The following BACH2 variants were observed in gnomAD, a reference collection of about 807,000 sequenced individuals.
BACH2 encodes transcription regulator protein BACH2.
Under a neutral mutation model 61.8 loss-of-function variants are expected in BACH2, and 5 were observed. That is an observed-to-expected ratio of 0.08 (90% confidence interval 0.04 to 0.17). BACH2 has a LOEUF of 0.17. Among genes scored for constraint, BACH2 ranks in the 10% least tolerant of loss-of-function variants. The pLI, the probability that BACH2 is intolerant of heterozygous loss-of-function variation, is 1.00. For missense variants in BACH2, 824 were observed against 1,091.1 expected, an observed-to-expected ratio of 0.76 and a Z score of 3.45; for synonymous variants, 446 against 440.1, an observed-to-expected ratio of 1.01 and a Z score of -0.17.
chr6:90,287,155 GCGTTGACTCTACAGC>G (rs1056454379), intron 1 of BACH2, among the ~76,000 whole-genome samples: 4 of 152,034 alleles, frequency 2.6e-5, no homozygotes, highest in African/African-American at 9.7e-5. Flanking sequence ...GGACTGAAGG[GCGTTGACTCTACAGC>G]CAGGTATTTA....
intron 5 of BACH2, among the ~76,000 whole-genome samples, chr6:90,045,551 G>T (rs929960198): frequency 3.3e-5 from 5 of 152,158 alleles, no homozygotes; most frequent in African/African-American, 1.2e-4. Flanking sequence ...CCACAACTAA[G>T]ATAAAATAAT....
chr6:89,967,999 G>C (rs1041953477), intron 6 of BACH2, among the ~76,000 whole-genome samples: 1 of 152,146 alleles, frequency 6.6e-6, no homozygotes, highest in Non-Finnish European at 1.5e-5. Context: ...TCCCTTTTCA[G>C]TCTCATCTCC....
At chr6:90,062,063 T>C (rs1458135177) in intron 5 of BACH2, among the ~76,000 whole-genome samples, 1 of 152,138 alleles carries the variant, frequency 6.6e-6, no homozygotes, top group Admixed American at 6.6e-5. Context: ...AAAGATTTAG[T>C]ACAAAGGGAG....
intron 5 of BACH2, among the ~76,000 whole-genome samples, chr6:90,009,259 T>G (rs1229200891): frequency 6.6e-6 from 1 of 152,238 alleles, no homozygotes; most frequent in Non-Finnish European, 1.5e-5. Context: ...TAGATTTGTG[T>G]GAAGAGGAAA....
At chr6:90,149,733 T>C (rs1413512668) in intron 4 of BACH2, among the ~76,000 whole-genome samples, 1 of 152,218 alleles carries the variant, frequency 6.6e-6, no homozygotes, top group Non-Finnish European at 1.5e-5. Flanking sequence ...CATCCTGCTC[T>C]AAAGGTATCA....
chr6:90,267,033 T>C (rs546238619), intron 2 of BACH2, among the ~76,000 whole-genome samples: 1 of 152,042 alleles, frequency 6.6e-6, no homozygotes, highest in Non-Finnish European at 1.5e-5. Context: ...TACACACAAA[T>C]AGGGACGGAT....
intron 1 of BACH2, among the ~76,000 whole-genome samples, chr6:90,295,374 C>A (rs543693189): frequency 6.6e-6 from 1 of 152,216 alleles, no homozygotes; most frequent in Non-Finnish European, 1.5e-5. Context: ...TCACTCCCGG[C>A]CCTGCACGCT....
At chr6:90,032,101 G>A (rs1779018269) in intron 5 of BACH2, among the ~76,000 whole-genome samples, 1 of 152,108 alleles carries the variant, frequency 6.6e-6, no homozygotes, top group Middle Eastern at 3.4e-3. Flanking sequence ...AACAAGCAAT[G>A]GGGAAAGGAT....
At position 89,951,083 on chromosome 6, in the gene BACH2, T is replaced by G. The variant is rs1473649080; in HGVS notation, c.1023A>C (p.Leu341Phe). 2 of 1,612,526 alleles carry G rather than the reference T, an allele frequency of 1.2e-6. No homozygotes were observed. Among genetic ancestry groups the G allele is most frequent in the South Asian group, 2.2e-5 (2 of 90,812 alleles). The change falls in exon 7 of 9, where the codon TTA (leucine) becomes TTC (phenylalanine). Residue 341 changes from leucine (L) to phenylalanine (F), a missense_variant. By Grantham distance (22) the Leu-to-Phe change is conservative (BLOSUM62 0). This residue lies in a region of BACH2 where 226 missense variants were observed against 228.5 expected (regional missense o/e 0.99). Transcript: ENST00000257749. This position sits in a 1 kb window ranked among gnomAD's most constrained non-coding sequence, Gnocchi z 6.4. ...TTTTCGTTATGCTGAACAGAGACCT[T>G]AAGCAGGAGGGCGAGGCCACGCTCC... ...RSRSVASPSC[L>F]RSLFSITKSV...
chr6:90,081,057 G>A (rs887017374), intron 5 of BACH2, among the ~76,000 whole-genome samples: 5 of 152,112 alleles, frequency 3.3e-5, no homozygotes, highest in Non-Finnish European at 5.9e-5. Flanking sequence ...GGGTCTGAAC[G>A]CAGCGAAAGC....
chr6:90,156,021 A>T (rs1288594095), intron 4 of BACH2, among the ~76,000 whole-genome samples: 2 of 152,162 alleles, frequency 1.3e-5, no homozygotes, highest in Non-Finnish European at 2.9e-5. Flanking sequence ...CCAAAGTTTT[A>T]AAAAAGATTG....
intron 3 of BACH2, among the ~76,000 whole-genome samples, chr6:90,232,789 A>C (rs1479009567): frequency 2.6e-5 from 4 of 152,212 alleles, no homozygotes; most frequent in African/African-American, 9.7e-5. Flanking sequence ...AATAGCTGCC[A>C]AAAAGTTCAA....
intron 7 of BACH2, among the ~76,000 whole-genome samples, chr6:89,942,990 C>A (rs1773524702): frequency 6.6e-6 from 1 of 151,840 alleles, no homozygotes; most frequent in African/African-American, 2.4e-5. Context: ...CATTTTTTTT[C>A]TTTTAAAGAC....
At chr6:90,014,474 T>A (rs1305965645) in intron 5 of BACH2, among the ~76,000 whole-genome samples, 245 of 72,094 alleles carry the variant, frequency 3.4e-3, no homozygotes, top group African/African-American at 0.013. Flanking sequence ...ATATATTTTT[T>A]TTTTTTTTTT....
Position 89,927,805 on chromosome 6 carries a change from T to A in BACH2, c.*4603A>T, listed in dbSNP as rs1381564557. 6.5e-6 allele frequency: 1 copy of A among 152,798 alleles called. No individual in the cohort carries two copies. Among genetic ancestry groups the A allele is most frequent in the Non-Finnish European group, 1.5e-5 (1 of 68,050 alleles). The allele number at this position is 152,798 out of a possible 1,614,324, so 9.5% of individuals were successfully genotyped here. ...CAAGTAATGTTTTTGCACCGTCAGT[T>A]GAATAATTTATGCTCAATCTGCCAC... is the stretch of plus-strand genomic sequence containing the variant. On this transcript the variant is annotated 3_prime_UTR_variant, in exon 9 of 9. Transcript: ENST00000257749.
intron 7 of BACH2, among the ~76,000 whole-genome samples, chr6:89,948,304 T>C (rs1280398706): frequency 6.6e-6 from 1 of 152,108 alleles, no homozygotes; most frequent in African/African-American, 2.4e-5. Flanking sequence ...TCTCCTGGGC[T>C]CAAGTGATCC....
intron 1 of BACH2, among the ~76,000 whole-genome samples, chr6:90,285,524 C>A (rs970410287): frequency 1.3e-5 from 2 of 152,150 alleles, no homozygotes; most frequent in Non-Finnish European, 2.9e-5. Context: ...CTTAAATATT[C>A]CCAGAAAAAT....
intron 4 of BACH2, among the ~76,000 whole-genome samples, chr6:90,133,902 T>C (rs1035783478): frequency 1.6e-4 from 24 of 152,218 alleles, no homozygotes; most frequent in Admixed American, 3.3e-4. Flanking sequence ...TAGTATTCCA[T>C]GGTGTATATG....
chr6:90,125,154 C>G (rs532457038), intron 4 of BACH2, among the ~76,000 whole-genome samples: 4 of 150,482 alleles, frequency 2.7e-5, no homozygotes, highest in Admixed American at 6.6e-5. Flanking sequence ...TGAAAAGACA[C>G]GGAGAAGAAA....
Sources: allele counts gnomAD v4.1 joint callset (sites outside exome capture counted in the v4.1 genomes callset), GRCh38; gene constraint gnomAD v4.1.1; regional missense constraint gnomAD v4.1.1; non-coding constraint Gnocchi (gnomAD v3.1); transcripts MANE v1.5; gene names NCBI Gene and HGNC (gene_info 2026-07-23, HGNC 2026-07-21).